The following ASH1L variants were observed in gnomAD, a reference collection of about 807,000 sequenced individuals.
ASH1L encodes ASH1 like histone lysine methyltransferase.
ASH1L carries 23 observed loss-of-function variants against 269.0 expected under a neutral mutation model. The ratio of observed to expected loss-of-function variants is 0.09; its 90% CI spans 0.06 to 0.12. The LOEUF (loss-of-function observed/expected upper bound fraction) is 0.12, where lower values mean the gene tolerates loss of function less well. Ranked by LOEUF, ASH1L falls within the 10% of genes least tolerant of loss-of-function variation. ASH1L has a pLI of 1.00. For missense variants in ASH1L, 2,912 were observed against 3,567.8 expected (o/e 0.82, Z 4.68); for synonymous variants, 1,187 against 1,253.5 (o/e 0.95, Z 1.12).
intron 6 of ASH1L, among the ~76,000 whole-genome samples, chr1:155,405,584 A>G (rs1659211789): frequency 6.6e-6 from 1 of 151,838 alleles, no homozygotes; most frequent in Non-Finnish European, 1.5e-5. Context: ...AATCTTAGCA[A>G]TTTGGGAGGC....
At chr1:155,522,476 G>A (rs1171272722) in intron 1 of ASH1L, among the ~76,000 whole-genome samples, 2 of 152,066 alleles carry the variant, frequency 1.3e-5, no homozygotes, top group East Asian at 3.8e-4. Context: ...TTAAAAATCA[G>A]CAATTTATTT....
chr1:155,491,680 A>C (rs1023152065), intron 2 of ASH1L, among the ~76,000 whole-genome samples: 3 of 151,170 alleles, frequency 2.0e-5, no homozygotes, highest in African/African-American at 7.3e-5. Flanking sequence ...TCTCTCTCTC[A>C]TTTTTTTGAG....
At chr1:155,442,567 G>A (rs1372360961) in intron 4 of ASH1L, among the ~76,000 whole-genome samples, 3 of 113,388 alleles carry the variant, frequency 2.6e-5, no homozygotes, top group African/African-American at 1.0e-4. Context: ...TGGGCGACAA[G>A]AGCAAGACTC....
intron 2 of ASH1L, among the ~76,000 whole-genome samples, chr1:155,482,655 T>C (rs145129892): frequency 1.0e-3 from 157 of 152,316 alleles, no homozygotes; most frequent in African/African-American, 3.6e-3. Flanking sequence ...ATTATCTTTG[T>C]TGACTTTCAA....
chr1:155,415,552 C>T (rs1182614922), intron 6 of ASH1L, among the ~76,000 whole-genome samples, 192 bp downstream of exon 6: 4 of 152,018 alleles, frequency 2.6e-5, no homozygotes, highest in African/African-American at 9.7e-5. Flanking sequence ...TACTGATTTC[C>T]CCCCACATCA....
At chr1:155,358,672 A>T (rs936845950) in intron 13 of ASH1L, 1 of 151,476 alleles carries the variant, frequency 6.6e-6, no homozygotes, top group African/African-American at 2.4e-5. Flanking sequence ...TGGGAGACAG[A>T]GTGAGACTCC....
intron 25 of ASH1L, among the ~76,000 whole-genome samples, chr1:155,340,777 A>AT (rs748634356): frequency 0.028 from 3,997 of 141,402 alleles, 87 homozygotes; most frequent in Middle Eastern, 0.055. Flanking sequence ...TCTATACTTA[A>AT]TTTTTTTTTT....
At chr1:155,440,239 T>C (rs1662446779) in intron 4 of ASH1L, among the ~76,000 whole-genome samples, 1 of 152,032 alleles carries the variant, frequency 6.6e-6, no homozygotes, top group African/African-American at 2.4e-5. Context: ...GCCATGGAGT[T>C]TGAGGCTGCA....
chr1:155,479,136 T>G lies in ASH1L; in HGVS notation c.3734A>C (p.Lys1245Thr), dbSNP rs748980447. 6.2e-7 allele frequency: 1 copy of G among 1,614,176 alleles called. No homozygotes were observed. Among genetic ancestry groups the G allele is most frequent in the Admixed American group, 1.7e-5 (1 of 60,010 alleles). The change falls in exon 3 of 28, where the codon AAA becomes ACA. Residue 1245 changes from lysine to threonine, a missense_variant. Transcript: ENST00000392403. ...CTTACATTTGTGTTTATGTTTTTCTTTAAGACTGCTTAGCACTGTAGAGGT... is the reference window on the plus strand; with the variant it reads ...CTTACATTTGTGTTTATGTTTTTCTGTAAGACTGCTTAGCACTGTAGAGGT... The part of the protein sequence containing the change: ...PETSTVLSSL[K>T]EKHKHKCKRR...
chr1:155,457,893 G>T (rs932522470), intron 4 of ASH1L, among the ~76,000 whole-genome samples: 3 of 152,088 alleles, frequency 2.0e-5, no homozygotes, highest in Non-Finnish European at 4.4e-5. Context: ...TTGTTCAGGG[G>T]TTGGTGAACT....
intron 1 of ASH1L, among the ~76,000 whole-genome samples, chr1:155,530,448 G>A (rs951422738): frequency 4.6e-5 from 7 of 152,018 alleles, no homozygotes; most frequent in Non-Finnish European, 1.5e-5. Context: ...TTTCTAGGCC[G>A]GGCTCAGTGG....
intron 7 of ASH1L, among the ~76,000 whole-genome samples, chr1:155,389,097 C>T (rs1657689787): frequency 6.6e-6 from 1 of 151,894 alleles, no homozygotes; most frequent in South Asian, 2.1e-4. Context: ...CCTCCACCTC[C>T]TGAGTTCAAG....
chr1:155,357,119 A>ACAC (rs1558027201), intron 15 of ASH1L, among the ~76,000 whole-genome samples, 197 bp downstream of exon 15: 7 of 109,256 alleles, frequency 6.4e-5, no homozygotes, highest in South Asian at 3.7e-4. Context: ...ACACACACAC[A>ACAC]AAAGGGTAAG....
chr1:155,415,988 A>G, intron 5 of ASH1L, 65 bp from the exon 6 acceptor site: 1 of 1,291,044 alleles, frequency 7.7e-7, no homozygotes, highest in Non-Finnish European at 1.0e-6. Flanking sequence ...ATAATTGTCT[A>G]CTTAAAAAAA....
chr1:155,377,969 G>A (rs2148437394), intron 10 of ASH1L, among the ~76,000 whole-genome samples: 1 of 151,694 alleles, frequency 6.6e-6, no homozygotes, highest in Non-Finnish European at 1.5e-5. Context: ...CTTGCAGTGA[G>A]CCGAGATCGC....
At chr1:155,559,685 G>C (rs977013986) in intron 1 of ASH1L, among the ~76,000 whole-genome samples, 3 of 152,024 alleles carry the variant, frequency 2.0e-5, no homozygotes, top group Admixed American at 6.6e-5. Context: ...CAACTTCTAG[G>C]AATGTTTCCC....
chr1:155,501,449 C>T (rs1667493437), intron 2 of ASH1L, among the ~76,000 whole-genome samples: 1 of 152,214 alleles, frequency 6.6e-6, no homozygotes, highest in African/African-American at 2.4e-5. Flanking sequence ...CAGCTCACTG[C>T]AATCTCCACC....
intron 21 of ASH1L, 200 bp downstream of exon 21, chr1:155,346,183 T>C (rs765720876): frequency 6.7e-7 from 1 of 1,485,740 alleles, no homozygotes; most frequent in Non-Finnish European, 9.0e-7. Flanking sequence ...TTTCTAAGTA[T>C]TTTATTTTCC....
At chr1:155,378,247 C>A (rs766714444) in intron 10 of ASH1L, 34 bp downstream of exon 10, 2 of 1,530,538 alleles carry the variant, frequency 1.3e-6, no homozygotes, top group Non-Finnish European at 1.8e-6. Flanking sequence ...TACCTTAAAG[C>A]CTATGCTTTA....
Sources: allele counts gnomAD v4.1 joint callset (sites outside exome capture counted in the v4.1 genomes callset), GRCh38; gene constraint gnomAD v4.1.1; transcripts MANE v1.5; gene names NCBI Gene and HGNC (gene_info 2026-07-23, HGNC 2026-07-21).